Variants in CCSER1 observed in about 807,000 individuals in gnomAD.
CCSER1 encodes coiled-coil serine rich protein 1.
Under a neutral mutation model 82.0 loss-of-function variants are expected in CCSER1, and 41 were observed. That is an observed-to-expected ratio of 0.50 (90% CI 0.39 to 0.65). The LOEUF is 0.65. Among genes scored for constraint, CCSER1 ranks in the 30% least tolerant of loss-of-function variants. The pLI is 0.00. For synonymous variants in CCSER1, 414 were observed against 383.9 expected (o/e 1.08, Z -0.92); for missense variants, 1,119 against 1,064.2 (o/e 1.05, Z -0.72).
At chr4:91,521,406 C>G (rs1273069916) in intron 10 of CCSER1, among the ~76,000 whole-genome samples, 1 of 152,062 alleles carries the variant, frequency 6.6e-6, no homozygotes, top group Non-Finnish European at 1.5e-5. Context: ...GTAATGGGAT[C>G]ACTGGGTCAA....
At chr4:91,186,413 G>A (rs1734539140) in intron 10 of CCSER1, among the ~76,000 whole-genome samples, 1 of 152,092 alleles carries the variant, frequency 6.6e-6, no homozygotes, top group Non-Finnish European at 1.5e-5. Flanking sequence ...CACAGGGATT[G>A]CTTTAAGAGT....
chr4:90,622,164 T>C (rs1240650176), intron 5 of CCSER1, among the ~76,000 whole-genome samples: 1 of 152,196 alleles, frequency 6.6e-6, no homozygotes, highest in Admixed American at 6.5e-5. Flanking sequence ...AAAATGCATC[T>C]GTGATAAGCA....
At chr4:91,334,561 C>G (rs1425779358) in intron 10 of CCSER1, among the ~76,000 whole-genome samples, 2 of 152,016 alleles carry the variant, frequency 1.3e-5, no homozygotes, top group African/African-American at 4.8e-5. Context: ...TTCACTCACA[C>G]ACACAGACAC....
intron 9 of CCSER1, among the ~76,000 whole-genome samples, chr4:91,042,459 A>G (rs1332138266): frequency 6.6e-6 from 1 of 152,188 alleles, no homozygotes; most frequent in Non-Finnish European, 1.5e-5. Flanking sequence ...AGACTAATAT[A>G]GTTTGCTTTT....
intron 5 of CCSER1, among the ~76,000 whole-genome samples, chr4:90,540,659 T>A (rs1179470345): frequency 6.6e-6 from 1 of 152,072 alleles, no homozygotes; most frequent in Non-Finnish European, 1.5e-5. Context: ...TTTCTAGATT[T>A]AAATCTAGGT....
chr4:91,338,730 A>C (rs1171894926), intron 10 of CCSER1, among the ~76,000 whole-genome samples: 1 of 152,302 alleles, frequency 6.6e-6, no homozygotes, highest in East Asian at 1.9e-4. Flanking sequence ...TAGATGTGGA[A>C]CTCACTTATA....
chr4:90,873,087 C>A lies in CCSER1; in HGVS notation c.2095-50283C>A, dbSNP rs1322028531. ...GTTAAATCTGCTTGGTTTTCTTTAACCTTTTTGTACTTGAATATTGATATC... is the reference window on the plus strand; with the variant it reads ...GTTAAATCTGCTTGGTTTTCTTTAAACTTTTTGTACTTGAATATTGATATC... On this transcript the variant is annotated intron_variant, in intron 8 of 10. Coordinates refer to ENST00000509176, the MANE Select transcript of CCSER1 (RefSeq NM_001145065.2). 2.0e-5 allele frequency among the ~76,000 whole-genome samples: 3 copies of A among 151,906 alleles called. No homozygotes were observed. The East Asian group carries it at 5.8e-4, about 29-fold the overall frequency.
chr4:90,920,539 C>G (rs915948789), intron 8 of CCSER1, among the ~76,000 whole-genome samples: 1 of 151,932 alleles, frequency 6.6e-6, no homozygotes, highest in Non-Finnish European at 1.5e-5. Context: ...CCATATCACT[C>G]AGTTCCACTT....
In CCSER1 at chr4:90,663,458, A is replaced by G. The variant is rs1269810086; in HGVS notation, c.1932+35226A>G. Among the ~76,000 whole-genome samples the G allele has an allele frequency of 2.6e-5, 4 of 152,286 alleles. No individual in the cohort carries two copies. The South Asian group carries it at 8.3e-4, about 32-fold the overall frequency. ...AACCTTAAAAATACCAATGAATTCA[A>G]TGTTCAAGATCAATTGAGAACCACT... On this transcript the variant is annotated intron_variant, in intron 6 of 10. Transcript: ENST00000509176.
intron 9 of CCSER1, among the ~76,000 whole-genome samples, chr4:91,024,135 G>A (rs932233658): frequency 6.6e-6 from 1 of 152,048 alleles, no homozygotes; most frequent in Non-Finnish European, 1.5e-5. Flanking sequence ...ATCCATTCAT[G>A]AGGGCAGAGC....
At chr4:91,428,401 G>C (rs1754112224) in intron 10 of CCSER1, among the ~76,000 whole-genome samples, 1 of 151,868 alleles carries the variant, frequency 6.6e-6, no homozygotes, top group Admixed American at 6.6e-5. Flanking sequence ...AACAAATTTG[G>C]GTCTTTATAA....
In CCSER1 at chr4:90,206,537, A is replaced by G. The variant is rs566450066; in HGVS notation, c.-42+78706A>G. Among the ~76,000 whole-genome samples the G allele has an allele frequency of 2.6e-5, 4 of 152,108 alleles. No homozygotes were observed. The South Asian group carries it at 8.3e-4, about 32-fold the overall frequency. Reference sequence around the variant, plus strand: ...GTGATTTTCTTAATGCTGAGTTCTAATTTGATTGCACTGTGGTCTGACAGA... The same window carrying G: ...GTGATTTTCTTAATGCTGAGTTCTAGTTTGATTGCACTGTGGTCTGACAGA... On this transcript the variant is annotated intron_variant, in intron 1 of 10. Coordinates refer to ENST00000509176, the MANE Select transcript of CCSER1 (RefSeq NM_001145065.2).
chr4:91,431,132 A>G (rs1018553312), intron 10 of CCSER1, among the ~76,000 whole-genome samples: 3 of 152,086 alleles, frequency 2.0e-5, no homozygotes, highest in African/African-American at 7.2e-5. Context: ...GCTACTCGGC[A>G]GGCTGAGGCA....
chr4:90,764,081 T>C (rs929732934), intron 7 of CCSER1, among the ~76,000 whole-genome samples: 2 of 152,178 alleles, frequency 1.3e-5, no homozygotes, highest in Non-Finnish European at 2.9e-5. Flanking sequence ...TTATATTGAC[T>C]CACCAGGTTG....
At chr4:90,574,282 G>A (rs1421027014) in intron 5 of CCSER1, among the ~76,000 whole-genome samples, 15 of 93,660 alleles carry the variant, frequency 1.6e-4, no homozygotes, top group African/African-American at 5.9e-4. Context: ...TTTTTTTTGA[G>A]ACGGAGTCTC....
intron 4 of CCSER1, among the ~76,000 whole-genome samples, chr4:90,407,695 C>T (rs1017600629): frequency 6.6e-6 from 1 of 152,188 alleles, no homozygotes; most frequent in Non-Finnish European, 1.5e-5. Flanking sequence ...CAGTCTACAG[C>T]TCCCAGCGTG....
chr4:91,507,517 C>T (rs1759565200), intron 10 of CCSER1, among the ~76,000 whole-genome samples: 2 of 151,992 alleles, frequency 1.3e-5, no homozygotes, highest in African/African-American at 4.8e-5. Context: ...CAAGCTCTGC[C>T]TCTGGGGTTC....
rs796293014 is a variant in CCSER1, at chr4:91,285,971, G to GT, written c.2217+199987dup. 8.1e-3 allele frequency among the ~76,000 whole-genome samples: 1,146 copies of GT among 141,036 alleles called. 9 individuals carry two copies. The highest frequency in any genetic ancestry group is 0.049 in the South Asian group (219 of 4,494). 92.5% of individuals were successfully genotyped at this position (141,036 alleles called of 152,430 possible). On this transcript the variant is annotated intron_variant, in intron 10 of 10. Transcript: ENST00000509176. Reference sequence around the variant, plus strand: ...TTCTTGATTCTAGCGTGTTTGTTTTGTTTTTTTTTTCCATTTCTACCTACA... The same window carrying GT: ...TTCTTGATTCTAGCGTGTTTGTTTTGTTTTTTTTTTTCCATTTCTACCTACA...
intron 10 of CCSER1, among the ~76,000 whole-genome samples, chr4:91,196,419 CAA>C (rs1253397139): frequency 2.6e-5 from 4 of 151,904 alleles, no homozygotes; most frequent in African/African-American, 9.7e-5. Context: ...CAGAACACCA[CAA>C]GAGTCAGAAA....
Sources: allele counts gnomAD v4.1 joint callset (sites outside exome capture counted in the v4.1 genomes callset), GRCh38; gene constraint gnomAD v4.1.1; transcripts MANE v1.5; gene names NCBI Gene and HGNC (gene_info 2026-07-23, HGNC 2026-07-21).